The following FAM110B variants were observed in gnomAD, a reference collection of about 807,000 sequenced individuals.
FAM110B encodes family with sequence similarity 110 member B.
In FAM110B, 6 loss-of-function variants were observed where a neutral mutation model predicts 20.4. The observed-to-expected ratio is 0.29, with a 90% CI of 0.16 to 0.58. FAM110B has a LOEUF of 0.58. FAM110B is among the 20% of genes least tolerant of loss of function. FAM110B has a pLI of 0.90. For synonymous variants in FAM110B, 226 were observed against 214.1 expected (o/e 1.06, Z -0.49); for missense variants, 434 against 498.2 (o/e 0.87, Z 1.23).
intron 1 of FAM110B, among the ~76,000 whole-genome samples, chr8:58,026,555 A>C (rs1184908212): frequency 6.6e-6 from 1 of 152,140 alleles, no homozygotes; most frequent in African/African-American, 2.4e-5. Context: ...TCACTTTGAT[A>C]AGCCTGTCTT....
At chr8:58,074,655 C>T (rs754013297) in intron 2 of FAM110B, among the ~76,000 whole-genome samples, 2 of 152,194 alleles carry the variant, frequency 1.3e-5, no homozygotes, top group Non-Finnish European at 2.9e-5. Context: ...AGTGTTCAGC[C>T]AGTACCTGTT....
chr8:58,001,962 T>C (rs1426579826), intron 1 of FAM110B, among the ~76,000 whole-genome samples: 1 of 152,034 alleles, frequency 6.6e-6, no homozygotes, highest in Non-Finnish European at 1.5e-5. Context: ...GGAGAACCAA[T>C]GGTATAAGTT....
At chr8:58,033,610 G>A (rs572956130) in intron 2 of FAM110B, among the ~76,000 whole-genome samples, 2 of 152,168 alleles carry the variant, frequency 1.3e-5, no homozygotes, top group African/African-American at 4.8e-5. Flanking sequence ...CAAAAGACAT[G>A]CAGAGACACT....
intron 3 of FAM110B, among the ~76,000 whole-genome samples, chr8:58,132,662 A>T (rs1803504337): frequency 6.6e-6 from 1 of 152,182 alleles, no homozygotes; most frequent in Non-Finnish European, 1.5e-5. Flanking sequence ...CCTGCCTGGC[A>T]TGAGGTCTGG....
chr8:58,011,049 G>A (rs1434283906), intron 1 of FAM110B, among the ~76,000 whole-genome samples: 1 of 152,152 alleles, frequency 6.6e-6, no homozygotes, highest in Non-Finnish European at 1.5e-5. Context: ...CCTTACAGAA[G>A]CAAAGAAGTC....
At chr8:58,075,275 T>TGG in intron 2 of FAM110B, among the ~76,000 whole-genome samples, 1 of 141,742 alleles carries the variant, frequency 7.1e-6, no homozygotes, top group African/African-American at 2.8e-5. Flanking sequence ...TTTTTTTTTT[T>TGG]TGTGTGTGTG....
intron 2 of FAM110B, chr8:58,043,140 T>C (rs1805253545): frequency 6.6e-6 from 1 of 152,228 alleles, no homozygotes; most frequent in Admixed American, 6.5e-5. Flanking sequence ...ATTTGAAGTT[T>C]TATTGGCAGC....
intron 3 of FAM110B, chr8:58,091,340 G>A (rs1336955742): frequency 1.3e-5 from 2 of 152,146 alleles, no homozygotes; most frequent in South Asian, 2.1e-4. Flanking sequence ...CCAGCTCCTC[G>A]GGGTAGCCTC....
At chr8:58,078,263 C>T (rs1806086211) in intron 3 of FAM110B, among the ~76,000 whole-genome samples, 1 of 152,134 alleles carries the variant, frequency 6.6e-6, no homozygotes, top group Non-Finnish European at 1.5e-5. Context: ...CAAATGAAGT[C>T]ATGAAATAAA....
chr8:58,142,536 A>C (rs1803764982), intron 3 of FAM110B, among the ~76,000 whole-genome samples: 1 of 151,548 alleles, frequency 6.6e-6, no homozygotes, highest in African/African-American at 2.4e-5. Context: ...CCCACAGATG[A>C]TGTGCTCCCC....
chr8:58,140,095 G>A (rs963569202), intron 3 of FAM110B, among the ~76,000 whole-genome samples: 1 of 152,104 alleles, frequency 6.6e-6, no homozygotes, highest in Admixed American at 6.5e-5. Context: ...TAAGCCCAGG[G>A]TGCAGAGGAA....
intron 2 of FAM110B, among the ~76,000 whole-genome samples, chr8:58,069,534 C>A (rs1246189218): frequency 6.6e-6 from 1 of 152,150 alleles, no homozygotes; most frequent in African/African-American, 2.4e-5. Flanking sequence ...TGTGTAGTGG[C>A]CAAATGTGTT....
chr8:58,102,283 G>A (rs562936250), intron 3 of FAM110B, among the ~76,000 whole-genome samples: 2 of 152,260 alleles, frequency 1.3e-5, no homozygotes, highest in African/African-American at 4.8e-5. Flanking sequence ...GCGGCAAAGG[G>A]TATTCCCCAA....
rs115410500 is a variant in FAM110B, at chr8:58,057,133, C to T, written c.-413-18402C>T. Among the ~76,000 whole-genome samples the T allele has an allele frequency of 2.7e-3, 408 of 152,300 alleles. 4 individuals are homozygous for T. Among genetic ancestry groups the T allele is most frequent in the African/African-American group, 9.4e-3 (392 of 41,568 alleles). On this transcript the variant is annotated intron_variant, in intron 2 of 3. Coordinates refer to ENST00000519262, the MANE Select transcript of FAM110B (RefSeq NM_001377989.1). ...GTGAGTCCACTGCCACAACAGCACA[C>T]TCAGCTGGGCTCCCTGGTCATGGGC...
At chr8:58,031,860 T>G (rs1240353650) in intron 2 of FAM110B, among the ~76,000 whole-genome samples, 157 bp downstream of exon 2, 1 of 152,108 alleles carries the variant, frequency 6.6e-6, no homozygotes, top group Non-Finnish European at 1.5e-5. Flanking sequence ...TTCTTTCTTC[T>G]CTCCCTTCCT....
intron 2 of FAM110B, among the ~76,000 whole-genome samples, chr8:58,074,761 C>T (rs1278192683): frequency 3.3e-5 from 5 of 152,108 alleles, no homozygotes; most frequent in Non-Finnish European, 7.3e-5. Flanking sequence ...CCCAGCCAGC[C>T]GGAGTGGTGC....
intron 3 of FAM110B, among the ~76,000 whole-genome samples, chr8:58,123,100 G>T (rs1181426493): frequency 6.6e-6 from 1 of 152,116 alleles, no homozygotes; most frequent in Non-Finnish European, 1.5e-5. Context: ...CCCTTTGAAG[G>T]CTCCCTTTAC....
intron 3 of FAM110B, among the ~76,000 whole-genome samples, chr8:58,138,704 C>G (rs1282841527): frequency 1.3e-5 from 2 of 152,226 alleles, no homozygotes; most frequent in Non-Finnish European, 2.9e-5. Flanking sequence ...CAAACTGTAC[C>G]CAGTCCACTC....
At chr8:58,055,514 T>G (rs1805528476) in intron 2 of FAM110B, among the ~76,000 whole-genome samples, 1 of 152,260 alleles carries the variant, frequency 6.6e-6, no homozygotes, top group African/African-American at 2.4e-5. Flanking sequence ...CAAATTGTTT[T>G]GTGTCATTTG....
Sources: allele counts gnomAD v4.1 joint callset (sites outside exome capture counted in the v4.1 genomes callset), GRCh38; gene constraint gnomAD v4.1.1; transcripts MANE v1.5; gene names NCBI Gene and HGNC (gene_info 2026-07-23, HGNC 2026-07-21).